Variants in PAGE2 observed in about 807,000 individuals in gnomAD.
PAGE2 encodes the protein P antigen family member 2.
PAGE2 carries 6 observed loss-of-function variants against 7.5 expected under a neutral mutation model. The ratio of observed to expected loss-of-function variants is 0.80; its 90% CI spans 0.44 to 1.57. The LOEUF is 1.57. PAGE2 is among the 40% of genes most tolerant of loss of function. The pLI is 0.01. For synonymous variants in PAGE2, 22 were observed against 25.4 expected (o/e 0.87, Z 0.41); for missense variants, 72 against 76.4 (o/e 0.94, Z 0.21).
rs755959191 is a variant in PAGE2, at chrX:55,091,450, G to A, written c.312G>A (p.Leu104=). ...CCACTTTTGATCTCACTAAAGTGCT[G>A]GAAGCAGGTTTGTTATTCATTTAAG... ...IMPTFDLTKV[L]EAGDAQP The change falls in exon 4 of 5, where the codon CTG becomes CTA. Residue 104 remains leucine, a synonymous_variant. Transcript: ENST00000374968. The A allele has an allele frequency of 1.7e-6, 2 of 1,204,753 alleles. No individual in the cohort carries two copies. Among genetic ancestry groups the A allele is most frequent in the Admixed American group, 2.2e-5 (1 of 45,204 alleles).
chrX:55,089,302 G>C (rs1434346622), intron 1 of PAGE2, 199 bp downstream of exon 1: 1 of 111,155 alleles, frequency 9.0e-6, no homozygotes, highest in Non-Finnish European at 1.9e-5. Context: ...GAGGAAGGTG[G>C]GCCGCAGAGG....
rs1442583397 is a variant in PAGE2, at chrX:55,090,541, C to A, written c.124C>A (p.Pro42Thr). 1 of 1,204,630 alleles carries A rather than the reference C, an allele frequency of 8.3e-7. No individual in the cohort carries two copies. The highest frequency in any genetic ancestry group is 1.1e-6 in the Non-Finnish European group (1 of 893,567). The change falls in exon 3 of 5, where the codon CCA (proline) becomes ACA (threonine). Residue 42 changes from proline (P) to threonine (T), a missense_variant. Pro to Thr is a conservative substitution (Grantham distance 38). Transcript: ENST00000374968. ...PTEEKRQEEE[P>T]PTDNQGIAPS... is the part of the protein sequence containing the mutation. ...TGAGGAAAAACGTCAAGAAGAGGAA[C>A]CACCAACTGATAATCAGGGTATTGC...
chrX:55,091,136 G>A (rs1936651760), intron 3 of PAGE2, among the ~76,000 whole-genome samples, 196 bp from the exon 4 acceptor site: 1 of 111,342 alleles, frequency 9.0e-6, no homozygotes, highest in South Asian at 3.7e-4. Context: ...GGACAAGTAA[G>A]TTGTCTAGGG....
chrX:55,089,826 G>A (rs766663500), intron 1 of PAGE2, among the ~76,000 whole-genome samples, 187 bp from the exon 2 acceptor site: 1 of 110,736 alleles, frequency 9.0e-6, no homozygotes, highest in South Asian at 3.7e-4. Context: ...ATGCCTCTTC[G>A]ACTATGATAC....
rs755459768 is a variant in PAGE2, at chrX:55,090,048, C to T, written c.28C>T (p.Gln10Ter). 22 of 1,201,049 alleles carry T rather than the reference C, an allele frequency of 1.8e-5. No homozygotes were observed. Among genetic ancestry groups the T allele is most frequent in the Non-Finnish European group, 2.4e-5 (21 of 889,074 alleles). Residue 10 changes from glutamine (Q) to a stop codon, truncating the protein, a stop_gained, in exon 2 of 5, where the codon CAA (glutamine) becomes TAA (stop). Coordinates refer to ENST00000374968, the MANE Select transcript of PAGE2 (RefSeq NM_207339.4). LOFTEE classifies it high-confidence loss of function. MSELLRARS[Q>*]SSERGNDQES... ...GAGTGAGCTTCTAAGAGCAAGATCC[C>T]AATCCTCAGAAAGAGGAAATGACCA...
rs200090359 is a variant in PAGE2, at chrX:55,090,492, A to G, written c.85-10A>G. The G allele has an allele frequency of 8.4e-7, 1 of 1,183,709 alleles. No individual in the cohort carries two copies. The highest frequency in any genetic ancestry group is 3.0e-5 in the East Asian group (1 of 33,602). On this transcript the variant is annotated splice_polypyrimidine_tract_variant and intron_variant, in intron 2 of 4. Transcript: ENST00000374968. Reference sequence around the variant, plus strand: ...TGACTTTTTATTCACACACACACTTACACCCTTAGGTCCAGGAGCCCACTG... The same window carrying G: ...TGACTTTTTATTCACACACACACTTGCACCCTTAGGTCCAGGAGCCCACTG...
chrX:55,090,286 TTC>T (rs925456372), intron 2 of PAGE2, among the ~76,000 whole-genome samples, 182 bp downstream of exon 2: 3 of 107,623 alleles, frequency 2.8e-5, no homozygotes. Flanking sequence ...ATATGGATAT[TTC>T]TCTCTCTCTC....
chrX:55,089,643 G>A (rs185609882), intron 1 of PAGE2, among the ~76,000 whole-genome samples: 1,674 of 98,846 alleles, frequency 0.017, 91 homozygotes, highest in African/African-American at 0.081. Flanking sequence ...ATTTTGAGAG[G>A]GGTGTGGGGG....
chrX:55,089,642 G>GACC (rs10653050), intron 1 of PAGE2, among the ~76,000 whole-genome samples: 7,641 of 109,968 alleles, frequency 0.069, 843 homozygotes, highest in African/African-American at 0.24. Flanking sequence ...GATTTTGAGA[G>GACC]GGGTGTGGGG....
intron 2 of PAGE2, among the ~76,000 whole-genome samples, 162 bp from the exon 3 acceptor site, chrX:55,090,340 A>G (rs867170080): frequency 9.2e-6 from 1 of 108,153 alleles, no homozygotes; most frequent in Non-Finnish European, 1.9e-5. Flanking sequence ...CTATCTATCT[A>G]TCTATCTATC....
intron 3 of PAGE2, 149 bp from the exon 4 acceptor site, chrX:55,091,183 C>T: frequency 9.9e-7 from 1 of 1,015,048 alleles, no homozygotes; most frequent in Non-Finnish European, 1.3e-6. Flanking sequence ...GTTCGAATAT[C>T]TCTGCTTTCC....
At chrX:55,089,510 G>A (rs188356229) in intron 1 of PAGE2, among the ~76,000 whole-genome samples, 2 of 110,269 alleles carry the variant, frequency 1.8e-5, no homozygotes, top group South Asian at 3.8e-4. Context: ...CCCGAGGTCT[G>A]TAGAGTGCCT....
chrX:55,089,938 AT>A (rs1468348945), intron 1 of PAGE2, 74 bp from the exon 2 acceptor site: 1 of 798,631 alleles, frequency 1.3e-6, no homozygotes, highest in Non-Finnish European at 1.8e-6. Flanking sequence ...ACAAATCACC[AT>A]TTTGCCGTGG....
At chrX:55,090,967 T>C (rs1412615551) in intron 3 of PAGE2, among the ~76,000 whole-genome samples, 6 of 109,758 alleles carry the variant, frequency 5.5e-5, no homozygotes, top group Admixed American at 1.9e-4. Context: ...TAAGAAACTT[T>C]TTAACACACC....
chrX:55,091,396 T>G lies in PAGE2; in HGVS notation c.258T>G (p.Asp86Glu). ...TTAAGATAGAGGATGAGCCTGGAGA[T>G]GGTCCTGATGTCAGGGAGGGTATTA... Reference protein sequence around the residue: ...ALLKIEDEPGDGPDVREGIMP... With the variant: ...ALLKIEDEPGEGPDVREGIMP... The change falls in exon 4 of 5, where the codon GAT (aspartate) becomes GAG (glutamate). Residue 86 changes from aspartate to glutamate, a missense_variant. Coordinates refer to ENST00000374968, the MANE Select transcript of PAGE2 (RefSeq NM_207339.4). 1 of 1,206,796 alleles carries G rather than the reference T, an allele frequency of 8.3e-7. No individual in the cohort carries two copies. The highest frequency in any genetic ancestry group is 1.1e-6 in the Non-Finnish European group (1 of 894,333).
intron 3 of PAGE2, among the ~76,000 whole-genome samples, chrX:55,091,015 T>C (rs1438092353): frequency 1.8e-5 from 2 of 110,486 alleles, no homozygotes; most frequent in African/African-American, 6.8e-5. Context: ...ATATACTAAG[T>C]GCTGGAGATG....
intron 3 of PAGE2, 121 bp from the exon 4 acceptor site, chrX:55,091,211 A>G (rs1018316853): frequency 2.7e-6 from 3 of 1,095,563 alleles, no homozygotes; most frequent in Admixed American, 6.4e-5. Flanking sequence ...CTGGCAGCAG[A>G]TTCCTGAAAT....
rs150926284 is a variant in PAGE2 at position 55,090,045 on chromosome X, T to A, written c.25T>A (p.Ser9Thr). The change falls in exon 2 of 5, where the codon TCC (serine) becomes ACC (threonine). Residue 9 changes from serine (S) to threonine (T), a missense_variant. Transcript: ENST00000374968. ...TATGAGTGAGCTTCTAAGAGCAAGA[T>A]CCCAATCCTCAGAAAGAGGAAATGA... is the stretch of plus-strand genomic sequence containing the variant. The part of the protein sequence containing the change: MSELLRAR[S>T]QSSERGNDQE... The A allele has an allele frequency of 4.9e-3, 5,935 of 1,201,028 alleles. 32 individuals carry two copies. The highest frequency in any genetic ancestry group is 0.031 in the Middle Eastern group (134 of 4,306).
intron 1 of PAGE2, among the ~76,000 whole-genome samples, chrX:55,089,579 G>C (rs1360662153): frequency 9.1e-6 from 1 of 109,725 alleles, no homozygotes; most frequent in Non-Finnish European, 1.9e-5. Flanking sequence ...TCTCACCTCC[G>C]CCATGGACAT....
Sources: gnomAD v4.1 joint callset for allele counts (sites outside exome capture counted in the v4.1 genomes callset) on GRCh38, gnomAD v4.1.1 for gene constraint, MANE v1.5 for transcripts, NCBI Gene and HGNC (gene_info 2026-07-23, HGNC 2026-07-21) for gene names.